The following ADAM12 variants were observed in gnomAD, a reference collection of about 807,000 sequenced individuals.
The protein encoded by ADAM12 is ADAM metallopeptidase domain 12, also known as disintegrin and metalloproteinase domain-containing protein 12.
Under a neutral mutation model 106.4 loss-of-function variants are expected in ADAM12, and 70 were observed. The observed-to-expected ratio is 0.66, with a 90% CI of 0.54 to 0.80. ADAM12 has a LOEUF of 0.80. Among genes scored for constraint, ADAM12 ranks in the 30% least tolerant of loss-of-function variants. The pLI is 0.00. For synonymous variants in ADAM12, 420 were observed against 433.5 expected, an observed-to-expected ratio of 0.97 and a Z score of 0.39; for missense variants, 1,010 against 1,171.9, an observed-to-expected ratio of 0.86 and a Z score of 2.02.
At chr10:126,243,285 G>C (rs1453246998) in intron 3 of ADAM12, among the ~76,000 whole-genome samples, 1 of 152,204 alleles carries the variant, frequency 6.6e-6, no homozygotes, top group Non-Finnish European at 1.5e-5. Flanking sequence ...TGGGTGTTTA[G>C]GCAGCATAAC....
chr10:126,152,607 A>G (rs1382491987), intron 4 of ADAM12, among the ~76,000 whole-genome samples: 2 of 151,728 alleles, frequency 1.3e-5, no homozygotes, highest in Non-Finnish European at 2.9e-5. Context: ...TTTGTCTACA[A>G]TATCTTTTCC....
chr10:126,061,159 C>T (rs538515956), intron 14 of ADAM12, among the ~76,000 whole-genome samples: 1 of 152,326 alleles, frequency 6.6e-6, no homozygotes, highest in East Asian at 1.9e-4. Flanking sequence ...GACCCTCTTA[C>T]AGCCCGTTTT....
intron 5 of ADAM12, among the ~76,000 whole-genome samples, chr10:126,125,670 C>G (rs576017078): frequency 5.9e-5 from 9 of 151,870 alleles, no homozygotes; most frequent in Non-Finnish European, 1.3e-4. Context: ...TAGTGTCCCC[C>G]CCAGCCCCCA....
At chr10:126,113,720 ATATATATATATAAT>A (rs1480846063) in intron 6 of ADAM12, among the ~76,000 whole-genome samples, 1 of 60,538 alleles carries the variant, frequency 1.7e-5, no homozygotes, top group Non-Finnish European at 2.8e-5. Context: ...ATATATATAT[ATATATATATATAAT>A]ATATTGCTCT....
intron 4 of ADAM12, among the ~76,000 whole-genome samples, chr10:126,139,494 C>T (rs1956470230): frequency 6.6e-6 from 1 of 152,106 alleles, no homozygotes; most frequent in Non-Finnish European, 1.5e-5. Context: ...TTCTATGTTG[C>T]TGATTATATC....
intron 11 of ADAM12, among the ~76,000 whole-genome samples, chr10:126,076,181 T>G (rs1361926982): frequency 6.6e-6 from 1 of 152,256 alleles, no homozygotes; most frequent in East Asian, 1.9e-4. Flanking sequence ...CACGTGGTAT[T>G]TGACTTGCTA....
At chr10:126,084,709 T>G (rs1448584838) in intron 11 of ADAM12, among the ~76,000 whole-genome samples, 1 of 152,164 alleles carries the variant, frequency 6.6e-6, no homozygotes, top group Non-Finnish European at 1.5e-5. Context: ...GACACTGAAG[T>G]TACCACCAGG....
At chr10:126,157,619 CAT>C (rs1956843473) in intron 3 of ADAM12, among the ~76,000 whole-genome samples, 1 of 152,322 alleles carries the variant, frequency 6.6e-6, no homozygotes. Context: ...GTGCGGAAAA[CAT>C]AAAACACAGA....
chr10:126,143,453 T>C (rs1956561201), intron 4 of ADAM12, among the ~76,000 whole-genome samples: 1 of 150,824 alleles, frequency 6.6e-6, no homozygotes, highest in Non-Finnish European at 1.5e-5. Flanking sequence ...ATGGTGTGCA[T>C]GTGTGTGTAT....
At chr10:126,230,462 A>C (rs777052508) in intron 3 of ADAM12, among the ~76,000 whole-genome samples, 19 of 152,178 alleles carry the variant, frequency 1.2e-4, no homozygotes, top group Non-Finnish European at 2.2e-4. Flanking sequence ...TAATATTCTT[A>C]ATATGTATTT....
At chr10:126,090,339 AAG>A (rs1168162200) in intron 11 of ADAM12, among the ~76,000 whole-genome samples, 13 of 151,072 alleles carry the variant, frequency 8.6e-5, no homozygotes, top group Admixed American at 8.6e-4. Context: ...AGGAATCTGT[AAG>A]AGTCATTTTT....
At chr10:126,200,968 T>C (rs1319327750) in intron 3 of ADAM12, among the ~76,000 whole-genome samples, 2 of 152,156 alleles carry the variant, frequency 1.3e-5, no homozygotes, top group Admixed American at 6.6e-5. Flanking sequence ...TAGACCAGTC[T>C]GGGCAGGGCA....
chr10:126,051,448 G>A (rs1241739771), intron 14 of ADAM12, among the ~76,000 whole-genome samples: 1 of 150,704 alleles, frequency 6.6e-6, no homozygotes, highest in African/African-American at 2.4e-5. Flanking sequence ...CATCCAGCCA[G>A]CCACCCAGCC....
intron 8 of ADAM12, among the ~76,000 whole-genome samples, chr10:126,102,539 T>A (rs1955686840): frequency 1.3e-5 from 2 of 152,194 alleles, no homozygotes; most frequent in Non-Finnish European, 2.9e-5. Context: ...CTAACCCACA[T>A]AAGGTGAGCT....
chr10:126,292,708 T>G (rs556502407), intron 2 of ADAM12, among the ~76,000 whole-genome samples: 1 of 152,244 alleles, frequency 6.6e-6, no homozygotes, highest in African/African-American at 2.4e-5. Context: ...ACTCTGCCAC[T>G]GCAGTGCAAA....
chr10:126,142,977 T>C (rs1956543226), intron 4 of ADAM12, among the ~76,000 whole-genome samples: 1 of 151,864 alleles, frequency 6.6e-6, no homozygotes, highest in South Asian at 2.1e-4. Flanking sequence ...TCAGTGTGCA[T>C]GTGTATATAT....
At chr10:126,039,084 C>T (rs1361407164) in intron 19 of ADAM12, among the ~76,000 whole-genome samples, 17 of 151,478 alleles carry the variant, frequency 1.1e-4, no homozygotes, top group Admixed American at 2.6e-4. Flanking sequence ...CTCAGCCTCC[C>T]GAGTAGATGG....
intron 2 of ADAM12, among the ~76,000 whole-genome samples, chr10:126,299,022 G>C (rs534184000): frequency 9.9e-5 from 15 of 152,204 alleles, no homozygotes; most frequent in Non-Finnish European, 1.6e-4. Context: ...TTTTCTTCAG[G>C]AGAGAGGAAT....
chr10:126,037,310 G>A (rs1418224877), intron 20 of ADAM12, among the ~76,000 whole-genome samples: 3 of 142,082 alleles, frequency 2.1e-5, no homozygotes, highest in East Asian at 2.0e-4. Flanking sequence ...TAATAGAGCT[G>A]CATTTTTCTT....
Sources: gnomAD v4.1 joint callset for allele counts (sites outside exome capture counted in the v4.1 genomes callset) on GRCh38, gnomAD v4.1.1 for gene constraint, MANE v1.5 for transcripts, NCBI Gene and HGNC (gene_info 2026-07-23, HGNC 2026-07-21) for gene names.